Variants in CDK13 observed in about 807,000 individuals in gnomAD.
CDK13 encodes cyclin-dependent kinase 13.
CDK13 carries 40 observed loss-of-function variants against 137.6 expected under a neutral mutation model. The ratio of observed to expected loss-of-function variants is 0.29; its 90% confidence interval spans 0.23 to 0.38. The LOEUF is 0.38. Ranked by LOEUF, CDK13 falls within the 10% of genes least tolerant of loss-of-function variation. The pLI is 1.00. For synonymous variants in CDK13, 869 were observed against 760.1 expected, an observed-to-expected ratio of 1.14 and a Z score of -2.36; for missense variants, 1,704 against 1,951.8, an observed-to-expected ratio of 0.87 and a Z score of 2.39.
In CDK13 at chr7:40,045,297, A is replaced by G. The variant is rs572297360; in HGVS notation, c.2354-539A>G. Among the ~76,000 whole-genome samples, 5 of 152,282 alleles carry G rather than the reference A, an allele frequency of 3.3e-5. No homozygotes were observed. The East Asian group carries it at 7.7e-4, about 23-fold the overall frequency. On this transcript the variant is annotated intron_variant, in intron 5 of 13. Transcript: ENST00000181839. ...AGGACTAAGCTGTTTTTTATAAAAT[A>G]AAGTTGTAATTTCAAATTATATTGT...
intron 7 of CDK13, among the ~76,000 whole-genome samples, chr7:40,058,176 G>A (rs1786062790): frequency 6.6e-6 from 1 of 152,152 alleles, no homozygotes; most frequent in South Asian, 2.1e-4. Context: ...AAGTACAAAG[G>A]AGAAGGAACT....
At position 40,021,111 on chromosome 7, in the gene CDK13, A is replaced by ACACACACACG; in HGVS notation, c.2353+19080_2353+19081insCACACACACG. Among the ~76,000 whole-genome samples, 2 of 13,832 alleles carry ACACACACACG rather than the reference A, an allele frequency of 1.4e-4. 1 individual carries two copies. Among genetic ancestry groups the ACACACACACG allele is most frequent in the Non-Finnish European group, 9.6e-4 (2 of 2,078 alleles). 9.1% of individuals were successfully genotyped at this position (13,832 alleles called of 152,430 possible). A position where few individuals can be genotyped will look rare whatever the true frequency, so the allele number is the denominator to read the frequency against. On this transcript the variant is annotated intron_variant, in intron 5 of 13. Coordinates refer to ENST00000181839, the MANE Select transcript of CDK13 (RefSeq NM_003718.5). ...TCTCAGAGCAAACAAACGTATATAT[A>ACACACACACG]TATATATATATACACACACACACAC... is the stretch of plus-strand genomic sequence containing the variant.
intron 1 of CDK13, among the ~76,000 whole-genome samples, chr7:39,973,205 T>C (rs1471613505): frequency 6.6e-6 from 1 of 152,174 alleles, no homozygotes; most frequent in African/African-American, 2.4e-5. Context: ...GGCACAATTT[T>C]GGCTCACTGC....
chr7:40,024,266 A>G (rs1785189882), intron 5 of CDK13, among the ~76,000 whole-genome samples: 1 of 152,014 alleles, frequency 6.6e-6, no homozygotes, highest in Non-Finnish European at 1.5e-5. Flanking sequence ...AAACAAAAAA[A>G]CCCTTCTCTA....
At chr7:40,049,042 AAAAAT>A (rs1407969407) in intron 7 of CDK13, 1 of 147,450 alleles carries the variant, frequency 6.8e-6, no homozygotes, top group Non-Finnish European at 1.5e-5. Flanking sequence ...CATCTCTACT[AAAAAT>A]AGCTGGGCTT....
intron 7 of CDK13, 24 bp from the exon 8 acceptor site, chr7:40,062,802 A>G (rs1274437506): frequency 6.7e-7 from 1 of 1,493,450 alleles, no homozygotes; most frequent in Non-Finnish European, 9.3e-7. Context: ...ACTAACTCTA[A>G]AGACTGTTTT....
chr7:39,991,929 G>A (rs1583957350), intron 2 of CDK13, among the ~76,000 whole-genome samples: 1 of 152,020 alleles, frequency 6.6e-6, no homozygotes, highest in East Asian at 2.0e-4. Flanking sequence ...GTGCAGGCCT[G>A]TAGTCCCAGC....
intron 5 of CDK13, among the ~76,000 whole-genome samples, chr7:40,013,640 G>C (rs1013012968): frequency 3.9e-5 from 6 of 152,150 alleles, no homozygotes; most frequent in Admixed American, 3.9e-4. Context: ...CTGCTAATGC[G>C]TGTGAGGTTT....
intron 7 of CDK13, chr7:40,062,285 TA>T (rs926735217): frequency 6.9e-6 from 1 of 143,962 alleles, no homozygotes; most frequent in African/African-American, 3.0e-5. Context: ...TTAATACCAG[TA>T]AACTACTTTT....
intron 2 of CDK13, among the ~76,000 whole-genome samples, chr7:39,992,668 C>T (rs1419970333): frequency 6.6e-6 from 1 of 151,378 alleles, no homozygotes; most frequent in Non-Finnish European, 1.5e-5. Flanking sequence ...ATCAGTACTC[C>T]CCCCCTACCC....
At chr7:40,082,777 CAAG>C (rs1203115329) in intron 11 of CDK13, among the ~76,000 whole-genome samples, 1 of 133,814 alleles carries the variant, frequency 7.5e-6, no homozygotes, top group Non-Finnish European at 1.6e-5. Flanking sequence ...GGTGACAGAG[CAAG>C]ACTCTGCCTC....
intron 5 of CDK13, among the ~76,000 whole-genome samples, chr7:40,031,341 G>C (rs1785373506): frequency 6.6e-6 from 1 of 152,098 alleles, no homozygotes; most frequent in Admixed American, 6.5e-5. Context: ...GGCCAACATG[G>C]TGAAACCTGG....
intron 5 of CDK13, among the ~76,000 whole-genome samples, chr7:40,040,266 G>C (rs1241703661): frequency 6.6e-6 from 1 of 152,096 alleles, no homozygotes; most frequent in East Asian, 1.9e-4. Flanking sequence ...TGGCTATTCA[G>C]TTATCCCAAT....
chr7:40,003,837 A>G (rs1325876807), intron 5 of CDK13, among the ~76,000 whole-genome samples: 3 of 152,096 alleles, frequency 2.0e-5, no homozygotes, highest in East Asian at 3.9e-4. Flanking sequence ...CGCATGCACA[A>G]TTTGAAAGGC....
intron 1 of CDK13, among the ~76,000 whole-genome samples, chr7:39,976,321 TCTCACACA>T (rs1274695477): frequency 3.1e-4 from 11 of 36,008 alleles, no homozygotes; most frequent in South Asian, 1.2e-3. Flanking sequence ...TCTCTCTCTC[TCTCACACA>T]CACACACACA....
chr7:40,011,141 C>T (rs1784885738), intron 5 of CDK13, among the ~76,000 whole-genome samples: 1 of 152,168 alleles, frequency 6.6e-6, no homozygotes, highest in Non-Finnish European at 1.5e-5. Flanking sequence ...CAAGCTGATT[C>T]TGAGATTCAT....
In CDK13 at chr7:40,096,869, G is replaced by T. The variant is rs1229077219; in HGVS notation, c.*1889G>T. ...AATATGTTGCTTTTATTTGAATATT[G>T]ATTACTAACAACTTATAAACTACAT... On this transcript the variant is annotated 3_prime_UTR_variant, in exon 14 of 14. Coordinates refer to ENST00000181839, the MANE Select transcript of CDK13 (RefSeq NM_003718.5). The T allele has an allele frequency of 6.6e-6, 1 of 152,038 alleles. No individual in the cohort carries two copies. Among genetic ancestry groups the T allele is most frequent in the Non-Finnish European group, 1.5e-5 (1 of 67,964 alleles). 9.4% of individuals were successfully genotyped at this position (152,038 alleles called of 1,614,324 possible). A position where few individuals can be genotyped will look rare whatever the true frequency, so the allele number is the denominator to read the frequency against.
chr7:40,032,328 C>T (rs1181101444), intron 5 of CDK13, among the ~76,000 whole-genome samples: 1 of 152,184 alleles, frequency 6.6e-6, no homozygotes, highest in East Asian at 1.9e-4. Context: ...GCCTTGTTCT[C>T]CCAAAGTGCT....
Position 40,094,239 on chromosome 7 carries a change from A to G in CDK13, c.3798A>G (p.Glu1266=), listed in dbSNP as rs1405761198. 1 of 1,613,056 alleles carries G rather than the reference A, an allele frequency of 6.2e-7. No individual in the cohort carries two copies. Among genetic ancestry groups the G allele is most frequent in the Non-Finnish European group, 8.5e-7 (1 of 1,179,700 alleles). The change falls in exon 14 of 14, where the codon GAA becomes GAG. Residue 1266 remains glutamate (E), a synonymous_variant. Coordinates refer to ENST00000181839, the MANE Select transcript of CDK13 (RefSeq NM_003718.5). ...PPDQRPPEPP[E]PPPVTEEDLD... Reference sequence around the variant, plus strand: ...ACCAACGACCTCCCGAGCCTCCTGAACCACCACCAGTCACTGAGGAAGATC... The same window carrying G: ...ACCAACGACCTCCCGAGCCTCCTGAGCCACCACCAGTCACTGAGGAAGATC...
Sources: gnomAD v4.1 joint callset for allele counts (sites outside exome capture counted in the v4.1 genomes callset) on GRCh38, gnomAD v4.1.1 for gene constraint, MANE v1.5 for transcripts, NCBI Gene and HGNC (gene_info 2026-07-23, HGNC 2026-07-21) for gene names.